Variants in SYMPK observed in about 807,000 individuals in gnomAD.
SYMPK encodes symplekin scaffold protein, also known as symplekin.
SYMPK carries 49 observed loss-of-function variants against 136.4 expected under a neutral mutation model. The ratio of observed to expected loss-of-function variants is 0.36; its 90% confidence interval spans 0.29 to 0.46. The LOEUF is 0.46. SYMPK is among the 20% of genes least tolerant of loss of function. The pLI, the probability that SYMPK is intolerant of heterozygous loss-of-function variation, is 1.00. For synonymous variants in SYMPK, 766 were observed against 713.0 expected, an observed-to-expected ratio of 1.07 and a Z score of -1.19; for missense variants, 1,365 against 1,690.0, an observed-to-expected ratio of 0.81 and a Z score of 3.37.
rs537349799 is a variant in SYMPK at position 45,825,024 on chromosome 19, C to T, written c.2490+147G>A. 10 of 973,332 alleles carry T rather than the reference C, an allele frequency of 1.0e-5. No individual in the cohort carries two copies. The African/African-American group carries it at 1.3e-4, about 13-fold the overall frequency. 60.3% of individuals were successfully genotyped at this position (973,332 alleles called of 1,614,324 possible). Reference sequence around the variant, plus strand: ...TCCTCAGGAGTGACATGCGGACCGCCTGCAAGCTACACAGCCTGGGTCGGC... The same window carrying T: ...TCCTCAGGAGTGACATGCGGACCGCTTGCAAGCTACACAGCCTGGGTCGGC... On this transcript the variant is annotated intron_variant, in intron 18 of 26. Coordinates refer to ENST00000245934, the MANE Select transcript of SYMPK (RefSeq NM_004819.3).
intron 5 of SYMPK, among the ~76,000 whole-genome samples, chr19:45,851,279 A>C (rs1364515881): frequency 6.6e-6 from 1 of 152,186 alleles, no homozygotes; most frequent in Non-Finnish European, 1.5e-5. Context: ...TGTTCACTTT[A>C]AAATAGCTGA....
At chr19:45,849,732 G>A (rs1971651596) in intron 5 of SYMPK, among the ~76,000 whole-genome samples, 1 of 152,142 alleles carries the variant, frequency 6.6e-6, no homozygotes, top group South Asian at 2.1e-4. Flanking sequence ...TTGGGTTCTG[G>A]CATTGCAGAC....
intron 5 of SYMPK, among the ~76,000 whole-genome samples, chr19:45,849,190 T>C (rs182398317): frequency 6.6e-6 from 1 of 152,202 alleles, no homozygotes; most frequent in Admixed American, 6.5e-5. Flanking sequence ...ATCTATCCAA[T>C]TGTTTATGCA....
rs1970702151 is a variant in SYMPK at position 45,815,508 on chromosome 19, C to A, written c.*52G>T. The A allele has an allele frequency of 1.9e-6, 2 of 1,035,914 alleles. No homozygotes were observed. The highest frequency in any genetic ancestry group is 2.7e-6 in the Non-Finnish European group (2 of 751,860). 64.2% of individuals were successfully genotyped at this position (1,035,914 alleles called of 1,614,324 possible). A position where few individuals can be genotyped will look rare whatever the true frequency, so the allele number is the denominator to read the frequency against. On this transcript the variant is annotated 3_prime_UTR_variant, in exon 27 of 27. Transcript: ENST00000245934. ...AAGCACCCGCAGGTCAAGCCCCGCCCCGTCCCCCAGCCCCGAGTCCCTGTC... is the reference window on the plus strand; with the variant it reads ...AAGCACCCGCAGGTCAAGCCCCGCCACGTCCCCCAGCCCCGAGTCCCTGTC...
chr19:45,831,326 G>C, intron 12 of SYMPK, 58 bp downstream of exon 12: 1 of 1,402,248 alleles, frequency 7.1e-7, no homozygotes, highest in Non-Finnish European at 9.5e-7. Flanking sequence ...CACGAGCTGA[G>C]AACCAGACCT....
At chr19:45,849,999 C>T (rs1600526622) in intron 5 of SYMPK, among the ~76,000 whole-genome samples, 1 of 151,930 alleles carries the variant, frequency 6.6e-6, no homozygotes, top group East Asian at 1.9e-4. Flanking sequence ...TAGCCGAGAT[C>T]GCACCATTGC....
chr19:45,847,469 C>T (rs7508089), intron 7 of SYMPK, among the ~76,000 whole-genome samples: 2 of 152,084 alleles, frequency 1.3e-5, no homozygotes, highest in South Asian at 2.1e-4. Flanking sequence ...CATCGACTGG[C>T]TCACACTCAT....
chr19:45,852,544 A>C lies in SYMPK; in HGVS notation c.172-9T>G, dbSNP rs1355714501. On this transcript the variant is annotated splice_polypyrimidine_tract_variant and intron_variant, in intron 3 of 26. Coordinates refer to ENST00000245934, the MANE Select transcript of SYMPK (RefSeq NM_004819.3). ...ATGATCAGCTCCTGGACCTGGAAGG[A>C]GATTGGGGGTGGGGAGGAGGAATAC... 1 of 1,614,036 alleles carries C rather than the reference A, an allele frequency of 6.2e-7. No homozygotes were observed. The highest frequency in any genetic ancestry group is 1.7e-5 in the Admixed American group (1 of 60,000).
chr19:45,832,514 A>G (rs1473202049), intron 11 of SYMPK, among the ~76,000 whole-genome samples: 5 of 152,182 alleles, frequency 3.3e-5, no homozygotes, highest in Admixed American at 3.3e-4. Context: ...TGCTCAAGAC[A>G]GATGACAGCA....
In SYMPK at chr19:45,844,218, G is replaced by A; in HGVS notation, c.677-18C>T. 1 of 1,552,938 alleles carries A rather than the reference G, an allele frequency of 6.4e-7. No homozygotes were observed. Among genetic ancestry groups the A allele is most frequent in the Non-Finnish European group, 8.7e-7 (1 of 1,147,770 alleles). On this transcript the variant is annotated intron_variant, in intron 7 of 26. Coordinates refer to ENST00000245934, the MANE Select transcript of SYMPK (RefSeq NM_004819.3). ...TAGCACGTCTAAGAGACAGAGAGGA[G>A]AACCAGTCAGTGGGATCCGTTTTCC...
chr19:45,831,278 C>G, intron 12 of SYMPK, 106 bp downstream of exon 12: 1 of 806,208 alleles, frequency 1.2e-6, no homozygotes, highest in Non-Finnish European at 1.8e-6. Flanking sequence ...GTCTGCATCT[C>G]AGTTACACAC....
chr19:45,856,943 ACT>A (rs1283870774), intron 1 of SYMPK, among the ~76,000 whole-genome samples: 1 of 146,644 alleles, frequency 6.8e-6, no homozygotes, highest in East Asian at 2.0e-4. Context: ...ATGGAGAAAC[ACT>A]GTTCCCTACT....
Position 45,823,858 on chromosome 19 carries a change from C to A in SYMPK, c.2508G>T (p.Met836Ile). Residue 836 changes from methionine to isoleucine, a missense_variant, in exon 19 of 27, where the codon ATG becomes ATT. Around this residue, in one of 11 missense-constraint regions of SYMPK, gnomAD observed 92 missense variants for 198.6 expected, o/e 0.46. Coordinates refer to ENST00000245934, the MANE Select transcript of SYMPK (RefSeq NM_004819.3). ...CCAGCAGGAGCAGCTCCGGGGAGTT[C>A]ATGCCCATTCCTCGGATCTAGAGGC... ...VIEQPIRGMG[M>I]NSPELLLLVE... 6.2e-7 allele frequency: 1 copy of A among 1,614,048 alleles called. No homozygotes were observed. The highest frequency in any genetic ancestry group is 8.5e-7 in the Non-Finnish European group (1 of 1,179,996).
At chr19:45,840,303 A>G in intron 9 of SYMPK, among the ~76,000 whole-genome samples, 1 of 121,254 alleles carries the variant, frequency 8.2e-6, no homozygotes. Context: ...TGACAGAGCG[A>G]GACTGTCTCA....
intron 22 of SYMPK, among the ~76,000 whole-genome samples, chr19:45,818,406 C>T (rs555262573): frequency 3.3e-5 from 5 of 152,312 alleles, no homozygotes; most frequent in African/African-American, 1.2e-4. Context: ...ACAGGGAACC[C>T]GTGGCCCCTC....
chr19:45,863,113 T>TCCGCCGCCG lies in SYMPK; in HGVS notation c.-77_-69dup, dbSNP rs3840932. The TCCGCCGCCG allele has an allele frequency of 2.3e-4, 93 of 404,220 alleles. 1 individual carries two copies. Among genetic ancestry groups the TCCGCCGCCG allele is most frequent in the Non-Finnish European group, 3.4e-4 (78 of 229,530 alleles). 25.0% of individuals were successfully genotyped at this position (404,220 alleles called of 1,614,324 possible). A position where few individuals can be genotyped will look rare whatever the true frequency, so the allele number is the denominator to read the frequency against. ...CCCTCAGCAGTGCCTCTTCCTACAC[T>TCCGCCGCCG]CCGCCGCCGCCGCCGCCGCCATCTT... On this transcript the variant is annotated 5_prime_UTR_variant, in exon 1 of 27. Coordinates refer to ENST00000245934, the MANE Select transcript of SYMPK (RefSeq NM_004819.3).
chr19:45,822,151 C>A lies in SYMPK; in HGVS notation c.2791+605G>T, dbSNP rs1370767512. On this transcript the variant is annotated intron_variant, in intron 21 of 26. Coordinates refer to ENST00000245934, the MANE Select transcript of SYMPK (RefSeq NM_004819.3). ...TTTTTTTTTTTGAGATGGAGTCTCA[C>A]TCTGTCATCCAGGCTGGAGTGCACT... Among the ~76,000 whole-genome samples, 28 of 97,406 alleles carry A rather than the reference C, an allele frequency of 2.9e-4. 1 individual carries two copies. In the South Asian group the frequency reaches 9.4e-3, roughly 33 times the overall value. The allele number at this position is 97,406 out of a possible 152,430, so 63.9% of individuals were successfully genotyped here. A position where few individuals can be genotyped will look rare whatever the true frequency, so the allele number is the denominator to read the frequency against.
intron 7 of SYMPK, among the ~76,000 whole-genome samples, chr19:45,846,777 T>C (rs1971570849): frequency 6.6e-6 from 1 of 151,272 alleles, no homozygotes; most frequent in African/African-American, 2.4e-5. Flanking sequence ...CCATATTGCT[T>C]GACACCAAGT....
At chr19:45,828,023 G>GA in intron 14 of SYMPK, 105 bp from the exon 15 acceptor site, 2 of 1,013,240 alleles carry the variant, frequency 2.0e-6, no homozygotes, top group Non-Finnish European at 3.1e-6. Flanking sequence ...CTCCCTCAGG[G>GA]GCTGCTTGTT....
Sources: gnomAD v4.1 joint callset for allele counts (sites outside exome capture counted in the v4.1 genomes callset) on GRCh38, gnomAD v4.1.1 for gene constraint, gnomAD v4.1.1 regional missense constraint, MANE v1.5 for transcripts, NCBI Gene and HGNC (gene_info 2026-07-23, HGNC 2026-07-21) for gene names.